Variants in GRK3 observed in about 807,000 individuals in gnomAD.
The protein encoded by GRK3 is adrenergic, beta, receptor kinase 2.
In GRK3, 54 loss-of-function variants were observed where a neutral mutation model predicts 95.7. The ratio of observed to expected loss-of-function variants is 0.56; its 90% CI spans 0.45 to 0.71. The LOEUF (loss-of-function observed/expected upper bound fraction) is 0.71, where lower values mean the gene tolerates loss of function less well. Among genes scored for constraint, GRK3 ranks in the 30% least tolerant of loss-of-function variants. The probability of loss-of-function intolerance (pLI) is 0.00; values close to 1 mark genes in which losing one functional copy is unlikely to be tolerated. For missense variants in GRK3, 649 were observed against 851.2 expected, an observed-to-expected ratio of 0.76 and a Z score of 2.96; for synonymous variants, 281 against 290.8, an observed-to-expected ratio of 0.97 and a Z score of 0.34.
chr22:25,590,837 G>A (rs1419741597), intron 1 of GRK3, among the ~76,000 whole-genome samples: 2 of 152,042 alleles, frequency 1.3e-5, no homozygotes, highest in African/African-American at 4.8e-5. Flanking sequence ...CAAACAAATA[G>A]CATTATTGAG....
chr22:25,617,027 G>A (rs1327104179), intron 2 of GRK3, among the ~76,000 whole-genome samples: 1 of 152,170 alleles, frequency 6.6e-6, no homozygotes, highest in Non-Finnish European at 1.5e-5. Flanking sequence ...TGAATCAGGA[G>A]TGAAATCCCA....
At chr22:25,640,880 T>A (rs908700473) in intron 2 of GRK3, among the ~76,000 whole-genome samples, 1 of 152,352 alleles carries the variant, frequency 6.6e-6, no homozygotes, top group Non-Finnish European at 1.5e-5. Flanking sequence ...TCACCATTTT[T>A]TACTCTTTAA....
rs2085439975 is a variant in GRK3, at chr22:25,722,398, C to T, written c.2015C>T (p.Thr672Ile). ...PKFLNKPRSG[T>I]VELPKPSLCH... is the part of the protein sequence containing the mutation. ...TTCCTCAACAAACCTCGGTCAGGTA[C>T]TGTGGAGCTCCCAAAGCCATCCCTC... The change falls in exon 21 of 21, where the codon ACT becomes ATT. Residue 672 changes from threonine (T) to isoleucine (I), a missense_variant. By Grantham distance (89) the Thr-to-Ile change is moderately conservative. Transcript: ENST00000324198. 1.9e-6 allele frequency: 3 copies of T among 1,614,166 alleles called. No individual in the cohort carries two copies. The highest frequency in any genetic ancestry group is 2.5e-6 in the Non-Finnish European group (3 of 1,180,028).
chr22:25,683,258 C>T (rs562225799), intron 9 of GRK3, among the ~76,000 whole-genome samples: 1 of 152,358 alleles, frequency 6.6e-6, no homozygotes, highest in South Asian at 2.1e-4. Context: ...ATATACCATA[C>T]TATCCATTCT....
intron 1 of GRK3, among the ~76,000 whole-genome samples, chr22:25,586,271 A>C: frequency 6.6e-6 from 1 of 152,296 alleles, no homozygotes; most frequent in Admixed American, 6.5e-5. Flanking sequence ...TATCATTAAC[A>C]GTTAGAAAGA....
At chr22:25,705,615 C>G (rs73168905) in intron 15 of GRK3, among the ~76,000 whole-genome samples, 5,639 of 152,180 alleles carry the variant, frequency 0.037, 147 homozygotes, top group Non-Finnish European at 0.057. Context: ...TATGATCTCT[C>G]TCTCTCTCTC....
intron 2 of GRK3, among the ~76,000 whole-genome samples, chr22:25,616,003 G>A (rs985482366): frequency 2.7e-5 from 4 of 148,788 alleles, no homozygotes; most frequent in South Asian, 2.1e-4. Context: ...GGGCTGCAGG[G>A]CAGGGAGTAC....
intron 19 of GRK3, 95 bp downstream of exon 19, chr22:25,718,476 C>T (rs185221365): frequency 1.1e-5 from 15 of 1,339,546 alleles, no homozygotes; most frequent in Admixed American, 2.1e-5. Flanking sequence ...CACTATCCTC[C>T]GAAACTCTGT....
chr22:25,719,522 T>C (rs1405349093), intron 19 of GRK3, among the ~76,000 whole-genome samples: 2 of 152,204 alleles, frequency 1.3e-5, no homozygotes, highest in Non-Finnish European at 1.5e-5. Context: ...AGCTGCCCTC[T>C]AAGATCCTTT....
intron 1 of GRK3, among the ~76,000 whole-genome samples, chr22:25,588,774 A>ATT (rs569905752): frequency 7.1e-5 from 10 of 139,880 alleles, no homozygotes; most frequent in East Asian, 2.1e-4. Context: ...TAGTTCATTA[A>ATT]TTTTTTTTTT....
chr22:25,598,685 G>A (rs796774523), intron 1 of GRK3, among the ~76,000 whole-genome samples: 7 of 151,758 alleles, frequency 4.6e-5, no homozygotes, highest in African/African-American at 1.7e-4. Flanking sequence ...AAACAAAAAG[G>A]TGGCAATTCT....
chr22:25,623,511 G>A (rs1389715140), intron 2 of GRK3, among the ~76,000 whole-genome samples: 1 of 152,130 alleles, frequency 6.6e-6, no homozygotes, highest in Non-Finnish European at 1.5e-5. Context: ...CTGTGGTTTC[G>A]TTTCATAATG....
In GRK3 at chr22:25,721,351, T is replaced by C. The variant is rs2085431023; in HGVS notation, c.1859T>C (p.Ile620Thr). The C allele has an allele frequency of 6.2e-7, 1 of 1,606,786 alleles. No individual in the cohort carries two copies. The highest frequency in any genetic ancestry group is 8.5e-7 in the Non-Finnish European group (1 of 1,176,036). The stretch of plus-strand genomic sequence containing the variant: ...ACTCAAATTAAAGACAAAAAATGCA[T>C]TTTGTTCAGAATAAAAGGAGGGAAA... ...EETQIKDKKC[I>T]LFRIKGGKQF... The change falls in exon 20 of 21, where the codon ATT becomes ACT. Residue 620 changes from isoleucine to threonine, a missense_variant. Ile to Thr is a moderately conservative substitution (Grantham distance 89). Around this residue, in one of 3 missense-constraint regions of GRK3, gnomAD observed 382 missense variants for 493.8 expected, o/e 0.77. Coordinates refer to ENST00000324198, the MANE Select transcript of GRK3 (RefSeq NM_005160.4).
chr22:25,583,357 C>CT (rs113355685), intron 1 of GRK3, among the ~76,000 whole-genome samples: 29,716 of 135,500 alleles, frequency 0.22, 6,782 homozygotes, highest in African/African-American at 0.59. Flanking sequence ...TTTCTGTGTA[C>CT]TTTTTTTTTT....
chr22:25,589,672 G>A (rs1412223501), intron 1 of GRK3, among the ~76,000 whole-genome samples: 1 of 152,196 alleles, frequency 6.6e-6, no homozygotes, highest in African/African-American at 2.4e-5. Context: ...GAGAATAGGA[G>A]TATGAAATTG....
At chr22:25,693,774 CTT>C (rs542086916) in intron 12 of GRK3, among the ~76,000 whole-genome samples, 2,597 of 112,468 alleles carry the variant, frequency 0.023, 7 homozygotes, top group Middle Eastern at 0.039. Flanking sequence ...GTTAAAAATT[CTT>C]TTTTTTTTTT....
At chr22:25,631,030 T>C (rs1361926814) in intron 2 of GRK3, among the ~76,000 whole-genome samples, 2 of 152,234 alleles carry the variant, frequency 1.3e-5, no homozygotes, top group Admixed American at 1.3e-4. Context: ...TATAGTTAAC[T>C]GAATACTCAC....
chr22:25,667,667 G>C (rs2084951372), intron 5 of GRK3, 72 bp from the exon 6 acceptor site: 1 of 1,077,200 alleles, frequency 9.3e-7, no homozygotes, highest in Non-Finnish European at 1.4e-6. Flanking sequence ...CTTAACCTGA[G>C]TCTCATTGGT....
At chr22:25,600,040 A>C (rs1420132631) in intron 1 of GRK3, among the ~76,000 whole-genome samples, 1 of 152,182 alleles carries the variant, frequency 6.6e-6, no homozygotes, top group Non-Finnish European at 1.5e-5. Context: ...AGATTCTTTA[A>C]GTACTTCAAT....
Sources: allele counts gnomAD v4.1 joint callset (sites outside exome capture counted in the v4.1 genomes callset), GRCh38; gene constraint gnomAD v4.1.1; regional missense constraint gnomAD v4.1.1; transcripts MANE v1.5; gene names NCBI Gene and HGNC (gene_info 2026-07-23, HGNC 2026-07-21).